The following TYW5 variants were observed in gnomAD, a reference collection of about 807,000 sequenced individuals.
The protein encoded by TYW5 is tRNA wybutosine-synthesizing protein 5.
Under a neutral mutation model 44.4 loss-of-function variants are expected in TYW5, and 36 were observed. That is an observed-to-expected ratio of 0.81 (90% CI 0.62 to 1.07). The LOEUF (loss-of-function observed/expected upper bound fraction) is 1.07. TYW5 is among the 50% of genes least tolerant of loss of function. The pLI is 0.00. For missense variants in TYW5, 354 were observed against 365.7 expected (o/e 0.97, Z 0.26); for synonymous variants, 121 against 128.1 (o/e 0.94, Z 0.37).
At chr2:199,950,625 T>C (rs553988924) in intron 1 of TYW5, among the ~76,000 whole-genome samples, 5 of 151,928 alleles carry the variant, frequency 3.3e-5, no homozygotes, top group African/African-American at 1.2e-4. Flanking sequence ...CCAGTATGAG[T>C]GAGTGCATGT....
chr2:199,938,087 C>T (rs1256193239), intron 5 of TYW5, among the ~76,000 whole-genome samples: 2 of 149,340 alleles, frequency 1.3e-5, no homozygotes, highest in Admixed American at 6.6e-5. Flanking sequence ...TTTTTTGAGA[C>T]AGAGTCTCGT....
Position 199,929,009 on chromosome 2 carries a change from C to G in TYW5, c.*4058G>C, listed in dbSNP as rs2077349403. Among the ~76,000 whole-genome samples, 1 of 152,078 alleles carries G rather than the reference C, an allele frequency of 6.6e-6. No homozygotes were observed. ...ATTTTGTTTTATTTCACTTGAAGTT[C>G]TTAAGAGAAAAACATAAGAGGAGAT... is the stretch of plus-strand genomic sequence containing the variant. On this transcript the variant is annotated 3_prime_UTR_variant, in exon 8 of 8. Coordinates refer to ENST00000354611, the MANE Select transcript of TYW5 (RefSeq NM_001039693.3).
chr2:199,948,396 A>G lies in TYW5; in HGVS notation c.155T>C (p.Val52Ala). The G allele has an allele frequency of 6.2e-7, 1 of 1,614,108 alleles. No homozygotes were observed. The highest frequency in any genetic ancestry group is 1.1e-5 in the South Asian group (1 of 91,068). ...SKWTVDYLSQ[V>A]GGKKEVKIHV... ...AATCTTTACTTCTTTCTTCCCTCCAACTTGGCTTAGGTAATCCACTGTCCA... is the reference window on the plus strand; with the variant it reads ...AATCTTTACTTCTTTCTTCCCTCCAGCTTGGCTTAGGTAATCCACTGTCCA... Residue 52 changes from valine to alanine, a missense_variant, in exon 2 of 8, where the codon GTT becomes GCT. Physicochemically the swap from Val to Ala is moderately conservative, Grantham distance 64. Transcript: ENST00000354611.
intron 5 of TYW5, among the ~76,000 whole-genome samples, chr2:199,937,802 A>G (rs886774591): frequency 1.3e-5 from 2 of 152,210 alleles, no homozygotes; most frequent in Non-Finnish European, 2.9e-5. Flanking sequence ...TTTCATAATT[A>G]CAGATTTACT....
At chr2:199,940,521 T>C (rs2077455368) in intron 3 of TYW5, among the ~76,000 whole-genome samples, 1 of 151,842 alleles carries the variant, frequency 6.6e-6, no homozygotes, top group Non-Finnish European at 1.5e-5. Context: ...TACGTGCCTG[T>C]AGTCCCAGCT....
In TYW5 at chr2:199,944,081, C is replaced by T. The variant is rs559411065; in HGVS notation, c.234-247G>A. ...TTCAAAATCTATGATACAGATGAAT[C>T]TTTCAATAGATCAATATTCTATTCC... is the stretch of plus-strand genomic sequence containing the variant. On this transcript the variant is annotated intron_variant, in intron 2 of 7. Transcript: ENST00000354611. The T allele has an allele frequency of 1.2e-4, 40 of 340,370 alleles. No homozygotes were observed. In the South Asian group the frequency reaches 3.1e-3, roughly 26 times the overall value. The allele number at this position is 340,370 out of a possible 1,614,324, so 21.1% of individuals were successfully genotyped here.
chr2:199,941,263 A>C (rs1201400329), intron 3 of TYW5, among the ~76,000 whole-genome samples: 1 of 152,048 alleles, frequency 6.6e-6, no homozygotes, highest in African/African-American at 2.4e-5. Context: ...TTGGTCTCGA[A>C]CTCCTGGACT....
chr2:199,940,098 G>T lies in TYW5; in HGVS notation c.339C>A (p.Asp113Glu). 2 of 1,612,488 alleles carry T rather than the reference G, an allele frequency of 1.2e-6. No homozygotes were observed. Among genetic ancestry groups the T allele is most frequent in the Non-Finnish European group, 1.7e-6 (2 of 1,179,250 alleles). Residue 113 changes from aspartate to glutamate, a missense_variant, in exon 4 of 8, where the codon GAC (aspartate) becomes GAA (glutamate). Transcript: ENST00000354611. Reference protein sequence around the residue: ...EKYYLRSLGEDPRKDVADIRK... With the variant: ...EKYYLRSLGEEPRKDVADIRK... Reference sequence around the variant, plus strand: ...CATTTAGAATTCTTACCTTTCTAGGGTCTTCTCCAAGTGACCGTAAGTAGT... The same window carrying T: ...CATTTAGAATTCTTACCTTTCTAGGTTCTTCTCCAAGTGACCGTAAGTAGT...
chr2:199,948,406 G>A lies in TYW5; in HGVS notation c.145C>T (p.Leu49=). 1 of 1,614,142 alleles carries A rather than the reference G, an allele frequency of 6.2e-7. No homozygotes were observed. The highest frequency in any genetic ancestry group is 1.1e-5 in the South Asian group (1 of 91,080). Residue 49 remains leucine, a synonymous_variant, in exon 2 of 8, where the codon CTA becomes TTA. Coordinates refer to ENST00000354611, the MANE Select transcript of TYW5 (RefSeq NM_001039693.3). The part of the protein sequence containing the change: ...PCTSKWTVDY[L]SQVGGKKEVK... ...TCTTTCTTCCCTCCAACTTGGCTTAGGTAATCCACTGTCCATTTGCTTGTA... is the reference window on the plus strand; with the variant it reads ...TCTTTCTTCCCTCCAACTTGGCTTAAGTAATCCACTGTCCATTTGCTTGTA...
intron 2 of TYW5, chr2:199,946,404 A>G (rs2105706595): frequency 6.6e-6 from 1 of 152,332 alleles, no homozygotes; most frequent in African/African-American, 2.4e-5. Context: ...AGAGTACAAT[A>G]AACAAGAGCA....
Position 199,932,175 on chromosome 2 carries a change from G to T in TYW5, c.*892C>A, listed in dbSNP as rs1309319024. ...ATCAACTCCAGTTGATCTCAGCTCT[G>T]ATTATGCATCAGAACACCCTGTGAG... On this transcript the variant is annotated 3_prime_UTR_variant, in exon 8 of 8. Coordinates refer to ENST00000354611, the MANE Select transcript of TYW5 (RefSeq NM_001039693.3). 6.6e-6 allele frequency: 1 copy of T among 152,096 alleles called. No individual in the cohort carries two copies. The highest frequency in any genetic ancestry group is 1.5e-5 in the Non-Finnish European group (1 of 68,022). 9.4% of individuals were successfully genotyped at this position (152,096 alleles called of 1,614,324 possible).
chr2:199,945,997 G>A (rs1268168530), intron 2 of TYW5: 2 of 152,196 alleles, frequency 1.3e-5, no homozygotes. Context: ...AGTAAGGAGG[G>A]TAATGTCAAA....
At position 199,938,916 on chromosome 2, in the gene TYW5, T is replaced by C; in HGVS notation, c.486+17A>G. ...AAGATCTATTGTAGCTTTAAATTTC[T>C]CATTTATGTAGCATACATCATAATG... On this transcript the variant is annotated intron_variant, in intron 5 of 7. Transcript: ENST00000354611. 1 of 1,574,092 alleles carries C rather than the reference T, an allele frequency of 6.4e-7. No individual in the cohort carries two copies. Among genetic ancestry groups the C allele is most frequent in the Non-Finnish European group, 8.6e-7 (1 of 1,164,694 alleles).
rs35165461 is a variant in TYW5 at position 199,929,970 on chromosome 2, ATTTTTTTT to A, written c.*3089_*3096del. Reference sequence around the variant, plus strand: ...ACCACTCCCCAGCTCTGCATATAATATTTTTTTTTTTTTTTTTTTTTTTGAGACAGGGT... The same window carrying A: ...ACCACTCCCCAGCTCTGCATATAATATTTTTTTTTTTTTTTGAGACAGGGT... On this transcript the variant is annotated 3_prime_UTR_variant, in exon 8 of 8. Transcript: ENST00000354611. 1.6e-4 allele frequency: 14 copies of A among 89,858 alleles called. No homozygotes were observed. The highest frequency in any genetic ancestry group is 2.6e-4 in the Non-Finnish European group (12 of 46,094). 5.6% of individuals were successfully genotyped at this position (89,858 alleles called of 1,614,324 possible).
chr2:199,944,984 C>T (rs2077492834), intron 2 of TYW5: 1 of 152,078 alleles, frequency 6.6e-6, no homozygotes, highest in African/African-American at 2.4e-5. Flanking sequence ...ATAAAAATAA[C>T]CTGATAGATG....
At chr2:199,936,550 C>A in intron 5 of TYW5, 58 bp from the exon 6 acceptor site, 3 of 1,424,680 alleles carry the variant, frequency 2.1e-6, no homozygotes, top group South Asian at 2.4e-5. Flanking sequence ...TAAATAGAAC[C>A]AATGGCATGC....
At chr2:199,951,431 G>C (rs2077544059) in intron 1 of TYW5, among the ~76,000 whole-genome samples, 1 of 151,798 alleles carries the variant, frequency 6.6e-6, no homozygotes, top group South Asian at 2.1e-4. Context: ...TCTATATTAG[G>C]GTCTTTTAAA....
In TYW5 at chr2:199,939,725, C is replaced by A. The variant is rs562398583; in HGVS notation, c.348+364G>T. 2.3e-4 allele frequency among the ~76,000 whole-genome samples: 35 copies of A among 152,276 alleles called. 1 individual carries two copies. In the South Asian group the frequency reaches 6.4e-3, roughly 28 times the overall value. ...ACTACTCTTTAATATCACAGCCATA[C>A]TAATTTGACTCTGAATACATGTCAA... On this transcript the variant is annotated intron_variant, in intron 4 of 7. Coordinates refer to ENST00000354611, the MANE Select transcript of TYW5 (RefSeq NM_001039693.3).
Position 199,930,218 on chromosome 2 carries a change from C to T in TYW5, c.*2849G>A, listed in dbSNP as rs1304123363. 6.6e-6 allele frequency: 1 copy of T among 152,092 alleles called. No homozygotes were observed. 9.4% of individuals were successfully genotyped at this position (152,092 alleles called of 1,614,324 possible). On this transcript the variant is annotated 3_prime_UTR_variant, in exon 8 of 8. Transcript: ENST00000354611. ...TCTCGAACTCCTGAGTTCAGATGATCCACCCACCTCGGTGCATATAGTATT... is the reference window on the plus strand; with the variant it reads ...TCTCGAACTCCTGAGTTCAGATGATTCACCCACCTCGGTGCATATAGTATT...
Sources: allele counts gnomAD v4.1 joint callset (sites outside exome capture counted in the v4.1 genomes callset), GRCh38; gene constraint gnomAD v4.1.1; transcripts MANE v1.5; gene names NCBI Gene and HGNC (gene_info 2026-07-23, HGNC 2026-07-21).